The following EPB41L2 variants were observed in gnomAD, a reference collection of about 807,000 sequenced individuals.
EPB41L2 encodes band 4.1-like protein 2.
EPB41L2 carries 43 observed loss-of-function variants against 113.0 expected under a neutral mutation model. The observed-to-expected ratio is 0.38, with a 90% confidence interval of 0.30 to 0.49. The LOEUF is 0.49. EPB41L2 is among the 20% of genes least tolerant of loss of function. EPB41L2 has a pLI of 0.95. For synonymous variants in EPB41L2, 442 were observed against 436.7 expected (o/e 1.01, Z -0.15); for missense variants, 1,147 against 1,223.4 (o/e 0.94, Z 0.93).
At chr6:130,958,803 T>C (rs937700942) in intron 1 of EPB41L2, among the ~76,000 whole-genome samples, 6 of 152,164 alleles carry the variant, frequency 3.9e-5, no homozygotes, top group African/African-American at 1.4e-4. Flanking sequence ...ACATAAAAGA[T>C]TTTGTGTTAT....
In EPB41L2 at chr6:130,926,691, C is replaced by T; in HGVS notation, c.724G>A (p.Val242Met). 1.2e-6 allele frequency: 2 copies of T among 1,603,624 alleles called. No individual in the cohort carries two copies. Among genetic ancestry groups the T allele is most frequent in the Non-Finnish European group, 1.7e-6 (2 of 1,177,372 alleles). The change falls in exon 4 of 20, where the codon GTG (valine) becomes ATG (methionine). Residue 242 changes from valine to methionine, a missense_variant. Physicochemically the swap from Val to Met is conservative, Grantham distance 21. Transcript: ENST00000337057. ...TGTTCACACACTTTGTCAAATAACACTTGTCCCTTGGCATGTTTCTGGAGA... is the reference window on the plus strand; with the variant it reads ...TGTTCACACACTTTGTCAAATAACATTTGTCCCTTGGCATGTTTCTGGAGA... ...CDLEKHAKGQ[V>M]LFDKVCEHLN...
chr6:131,044,929 C>T (rs947953586), intron 1 of EPB41L2, among the ~76,000 whole-genome samples: 116 of 152,224 alleles, frequency 7.6e-4, no homozygotes, highest in African/African-American at 2.7e-3. Context: ...AGGTTAAGAA[C>T]TAATTTGTGA....
chr6:130,989,797 G>A (rs1479604509), intron 1 of EPB41L2, among the ~76,000 whole-genome samples: 1 of 152,214 alleles, frequency 6.6e-6, no homozygotes, highest in African/African-American at 2.4e-5. Context: ...GTGGAACGAA[G>A]TGGATAAATT....
intron 4 of EPB41L2, among the ~76,000 whole-genome samples, chr6:130,924,434 A>C: frequency 6.6e-6 from 1 of 151,722 alleles, no homozygotes; most frequent in Non-Finnish European, 1.5e-5. Context: ...GCTGGAGTGC[A>C]ATGCCACAAT....
rs113521922 is a variant in EPB41L2, at chr6:130,849,576, C to T, written c.*5+8555G>A. Among the ~76,000 whole-genome samples the T allele has an allele frequency of 9.2e-3, 1,397 of 152,214 alleles. 20 individuals are homozygous for T. Among genetic ancestry groups the T allele is most frequent in the African/African-American group, 0.031 (1,283 of 41,516 alleles). ...AGTAGGGATTAAGTAAACCATCATG[C>T]GTCCATTCAACTAATCTCTATAAGA... On this transcript the variant is annotated intron_variant, in intron 19 of 19. Coordinates refer to ENST00000337057, the MANE Select transcript of EPB41L2 (RefSeq NM_001431.4).
intron 3 of EPB41L2, among the ~76,000 whole-genome samples, chr6:130,936,648 G>C (rs1200477949): frequency 1.3e-5 from 2 of 152,054 alleles, no homozygotes; most frequent in Non-Finnish European, 2.9e-5. Context: ...ATTTTCATCA[G>C]AAATTTAAGA....
At chr6:130,934,513 C>A (rs1808089705) in intron 3 of EPB41L2, among the ~76,000 whole-genome samples, 1 of 152,132 alleles carries the variant, frequency 6.6e-6, no homozygotes, top group South Asian at 2.1e-4. Context: ...TGCTCTGTTG[C>A]TGAGCCTGGA....
At chr6:130,997,159 G>C (rs1182331274) in intron 1 of EPB41L2, among the ~76,000 whole-genome samples, 1 of 152,158 alleles carries the variant, frequency 6.6e-6, no homozygotes. Context: ...CTTTAAGTTA[G>C]ATTTGAACTG....
chr6:130,954,131 C>G (rs1816532612), intron 3 of EPB41L2, among the ~76,000 whole-genome samples: 1 of 141,106 alleles, frequency 7.1e-6, no homozygotes, highest in Non-Finnish European at 1.5e-5. Flanking sequence ...CAGCTCACCA[C>G]AAGCTCCGCC....
At chr6:130,912,730 C>T (rs1175373016) in intron 4 of EPB41L2, among the ~76,000 whole-genome samples, 1 of 152,076 alleles carries the variant, frequency 6.6e-6, no homozygotes, top group Non-Finnish European at 1.5e-5. Flanking sequence ...CACAAATGGC[C>T]AGCCTCGATA....
chr6:130,875,737 G>A (rs1461598770), intron 14 of EPB41L2, among the ~76,000 whole-genome samples: 1 of 152,040 alleles, frequency 6.6e-6, no homozygotes. Context: ...GGTGGCTCAC[G>A]CCTGTAATCC....
At chr6:130,983,233 G>A (rs993935183) in intron 1 of EPB41L2, among the ~76,000 whole-genome samples, 14 of 152,160 alleles carry the variant, frequency 9.2e-5, no homozygotes, top group Admixed American at 5.9e-4. Context: ...ACACATATAC[G>A]TATCAACAGA....
At chr6:130,949,677 G>A (rs1436350203) in intron 3 of EPB41L2, among the ~76,000 whole-genome samples, 1 of 151,890 alleles carries the variant, frequency 6.6e-6, no homozygotes, top group African/African-American at 2.4e-5. Flanking sequence ...AAAACTGAAT[G>A]GTAATGAAAG....
Position 130,865,628 on chromosome 6 carries a change from C to T in EPB41L2, c.2737G>A (p.Gly913Ser). Reference sequence around the variant, plus strand: ...GTGCCCGAATCACCACCAGCCCCGCCATCAATCTTTGGATAGTTGGGGGAA... The same window carrying T: ...GTGCCCGAATCACCACCAGCCCCGCTATCAATCTTTGGATAGTTGGGGGAA... ...TITYESPQID[G>S]GAGGDSGTLL... Residue 913 changes from glycine to serine, a missense_variant, in exon 17 of 20, where the codon GGC becomes AGC. Transcript: ENST00000337057. 2 of 1,614,134 alleles carry T rather than the reference C, an allele frequency of 1.2e-6. No individual in the cohort carries two copies. Among genetic ancestry groups the T allele is most frequent in the Non-Finnish European group, 1.7e-6 (2 of 1,180,028 alleles).
intron 4 of EPB41L2, among the ~76,000 whole-genome samples, chr6:130,912,463 A>T (rs981649088): frequency 6.6e-6 from 1 of 152,186 alleles, no homozygotes; most frequent in Non-Finnish European, 1.5e-5. Flanking sequence ...CACTCGGGGT[A>T]GCAAGGATCC....
At chr6:131,058,215 C>T (rs1156866930) in intron 1 of EPB41L2, among the ~76,000 whole-genome samples, 1 of 152,100 alleles carries the variant, frequency 6.6e-6, no homozygotes, top group Non-Finnish European at 1.5e-5. Flanking sequence ...GAAAAAATAT[C>T]CAGAAGCAGT....
At chr6:130,878,489 G>A in intron 13 of EPB41L2, 1 of 397,792 alleles carries the variant, frequency 2.5e-6, no homozygotes, top group Non-Finnish European at 4.4e-6. Flanking sequence ...ATTTTAAAGG[G>A]TTCTGATTTC....
At position 130,979,492 on chromosome 6, in the gene EPB41L2, C is replaced by CAAAAAA. The variant is rs34912861; in HGVS notation, c.-14-22999_-14-22994dup. On this transcript the variant is annotated intron_variant, in intron 1 of 19. Coordinates refer to ENST00000337057, the MANE Select transcript of EPB41L2 (RefSeq NM_001431.4). ...CCTGGATGATGGAGCGAGACTCTGT[C>CAAAAAA]AAAAAAAAAAAAAAAAAAAAAGGAA... 5.9e-5 allele frequency among the ~76,000 whole-genome samples: 5 copies of CAAAAAA among 85,308 alleles called. 1 individual carries two copies. Among genetic ancestry groups the CAAAAAA allele is most frequent in the Admixed American group, 2.6e-4 (2 of 7,666 alleles). 56.0% of individuals were successfully genotyped at this position (85,308 alleles called of 152,430 possible). A position where few individuals can be genotyped will look rare whatever the true frequency, so the allele number is the denominator to read the frequency against.
intron 1 of EPB41L2, among the ~76,000 whole-genome samples, chr6:131,042,046 G>C (rs1794556908): frequency 6.6e-6 from 1 of 152,168 alleles, no homozygotes; most frequent in African/African-American, 2.4e-5. Context: ...GCATGGAATG[G>C]GGAACATGGG....
Sources: gnomAD v4.1 joint callset for allele counts (sites outside exome capture counted in the v4.1 genomes callset) on GRCh38, gnomAD v4.1.1 for gene constraint, MANE v1.5 for transcripts, NCBI Gene and HGNC (gene_info 2026-07-23, HGNC 2026-07-21) for gene names.